MECR: variants seen among roughly 807,000 people sequenced by gnomAD.
MECR encodes mitochondrial trans-2-enoyl-CoA reductase.
MECR carries 37 observed loss-of-function variants against 49.1 expected under a neutral mutation model. That is an observed-to-expected ratio of 0.75 (90% CI 0.58 to 0.99). The LOEUF (loss-of-function observed/expected upper bound fraction) is 0.99, where lower values mean the gene tolerates loss of function less well. Ranked by LOEUF, MECR falls within the 50% of genes least tolerant of loss-of-function variation. MECR has a pLI of 0.00. For synonymous variants in MECR, 198 were observed against 191.1 expected, an observed-to-expected ratio of 1.04 and a Z score of -0.30; for missense variants, 470 against 479.6, an observed-to-expected ratio of 0.98 and a Z score of 0.19.
At chr1:29,175,466 C>T in the MECR span, among the ~76,000 whole-genome samples, 19 of 150,796 alleles carry the variant, frequency 1.3e-4, no homozygotes, top group East Asian at 3.9e-4. Flanking sequence ...GAGGCCGAGG[C>T]GGGTGGATCA....
downstream of MECR, among the ~76,000 whole-genome samples, chr1:29,188,793 C>T (rs575120869): frequency 6.6e-6 from 1 of 152,084 alleles, no homozygotes; most frequent in South Asian, 2.1e-4. Context: ...GCGCCCGCTA[C>T]CATACCCGGC....
At chr1:29,205,277 C>T (rs955265809) in intron 4 of MECR, among the ~76,000 whole-genome samples, 5 of 151,990 alleles carry the variant, frequency 3.3e-5, no homozygotes, top group Admixed American at 6.6e-5. Context: ...TTCCGCCTCC[C>T]GGGTTCAAGC....
At position 29,201,882 on chromosome 1, in the gene MECR, G is replaced by C. The variant is rs1574302082; in HGVS notation, c.756+61C>G. On this transcript the variant is annotated intron_variant, in intron 6 of 9. Coordinates refer to ENST00000263702, the MANE Select transcript of MECR (RefSeq NM_016011.5). This position sits in a 1 kb window ranked among gnomAD's most constrained non-coding sequence, Gnocchi z 4.3. ...CCAGTCCCCAGTTTCTCTAATGCAT[G>C]TCAACTTTCTTCAGGGAGATGTGCG... The C allele has an allele frequency of 5.8e-6, 8 of 1,376,884 alleles. No individual in the cohort carries two copies. In the East Asian group the frequency reaches 1.8e-4, roughly 31 times the overall value. The allele number at this position is 1,376,884 out of a possible 1,614,324, so 85.3% of individuals were successfully genotyped here.
chr1:29,203,041 C>G, intron 5 of MECR, 90 bp downstream of exon 5: 1 of 1,028,570 alleles, frequency 9.7e-7, no homozygotes. Flanking sequence ...TATGCAAGGG[C>G]GCCCTCTGGT....
chr1:29,178,133 C>T, the MECR span, among the ~76,000 whole-genome samples: 4 of 151,914 alleles, frequency 2.6e-5, no homozygotes, highest in South Asian at 8.3e-4. Flanking sequence ...CCCCTGACTT[C>T]AAGTGATCCA....
At chr1:29,220,087 A>C (rs1011386844) in intron 1 of MECR, among the ~76,000 whole-genome samples, 15 of 152,094 alleles carry the variant, frequency 9.9e-5, no homozygotes, top group African/African-American at 3.6e-4. Context: ...TAGTGAGAAA[A>C]TGTGGCATAA....
the MECR span, among the ~76,000 whole-genome samples, chr1:29,168,029 T>TA: frequency 0.26 from 36,703 of 140,740 alleles, 5,108 homozygotes; most frequent in Non-Finnish European, 0.3. Context: ...TTTTTTTTTT[T>TA]AAAAAAAACA....
intron 4 of MECR, among the ~76,000 whole-genome samples, chr1:29,204,456 C>T (rs1178281301): frequency 6.7e-6 from 1 of 148,394 alleles, no homozygotes; most frequent in Non-Finnish European, 1.5e-5. Context: ...TTGCAAGCAC[C>T]TTTTTTTTTT....
chr1:29,215,988 C>CA lies in MECR; in HGVS notation c.406+16dup, dbSNP rs1213233612. The CA allele has an allele frequency of 6.2e-7, 1 of 1,613,398 alleles. No homozygotes were observed. Among genetic ancestry groups the CA allele is most frequent in the Non-Finnish European group, 8.5e-7 (1 of 1,179,592 alleles). ...TCTGGAAGAACGAATAGGCAGCTGA[C>CA]ACCTGGAGAAACTCACCTAAACCAG... On this transcript the variant is annotated intron_variant, in intron 3 of 9. Coordinates refer to ENST00000263702, the MANE Select transcript of MECR (RefSeq NM_016011.5).
the MECR span, among the ~76,000 whole-genome samples, chr1:29,173,754 AAGTT>A: frequency 6.6e-6 from 1 of 151,642 alleles, no homozygotes; most frequent in African/African-American, 2.4e-5. Flanking sequence ...CTGGTCCAAA[AAGTT>A]CTTGAATTTG....
chr1:29,226,067 G>A (rs1681963548), intron 1 of MECR, among the ~76,000 whole-genome samples: 1 of 151,312 alleles, frequency 6.6e-6, no homozygotes. Context: ...TACTCAGGAG[G>A]CTGAGGCAGG....
At position 29,196,256 on chromosome 1, in the gene MECR, C is replaced by G. The variant is rs762165267; in HGVS notation, c.833G>C (p.Arg278Pro). ...SSTELLRQLA[R>P]GGTMVTYGGM... Reference sequence around the variant, plus strand: ...CCCATAGGTTACCATGGTTCCTCCACGCCTGAAAAGTCCAAAGAGAACAAA... The same window carrying G: ...CCCATAGGTTACCATGGTTCCTCCAGGCCTGAAAAGTCCAAAGAGAACAAA... Residue 278 changes from arginine to proline, a missense_variant and splice_region_variant, in exon 8 of 10, where the codon CGT becomes CCT. Arg to Pro is a moderately radical substitution (Grantham distance 103). Transcript: ENST00000263702. 14 of 1,611,486 alleles carry G rather than the reference C, an allele frequency of 8.7e-6. No homozygotes were observed. Among genetic ancestry groups the G allele is most frequent in the Non-Finnish European group, 1.2e-5 (14 of 1,178,158 alleles).
chr1:29,173,862 T>A, the MECR span, among the ~76,000 whole-genome samples: 1 of 151,780 alleles, frequency 6.6e-6, no homozygotes, highest in Non-Finnish European at 1.5e-5. Context: ...AAAATTAGTT[T>A]AAAAAATTAT....
chr1:29,211,807 C>T (rs1678085728), intron 3 of MECR, among the ~76,000 whole-genome samples: 1 of 152,216 alleles, frequency 6.6e-6, no homozygotes, highest in African/African-American at 2.4e-5. Flanking sequence ...AAAGATCTAT[C>T]CACACCATCT....
chr1:29,180,161 A>C, the MECR span, among the ~76,000 whole-genome samples: 1 of 152,220 alleles, frequency 6.6e-6, no homozygotes. Context: ...TAAGTGGTGG[A>C]ACCAGGATTT....
chr1:29,191,207 TGCCTGCTCTTAGAGTGGGCACCAGGG>T (rs2151835290), downstream of MECR, among the ~76,000 whole-genome samples: 3 of 152,324 alleles, frequency 2.0e-5, no homozygotes, highest in African/African-American at 7.2e-5. Flanking sequence ...CATTCCTGTA[TGCCTGCTCTTAGAGTGGGCACCAGGG>T]GCCTGCTCCT....
At chr1:29,181,788 G>GC in the MECR span, 36 of 1,526,102 alleles carry the variant, frequency 2.4e-5, no homozygotes, top group East Asian at 7.0e-4. Flanking sequence ...CCCGGCCCCA[G>GC]CCCCCCTTAG....
chr1:29,182,693 G>A, the MECR span, among the ~76,000 whole-genome samples: 1 of 152,062 alleles, frequency 6.6e-6, no homozygotes, highest in Non-Finnish European at 1.5e-5. Context: ...ACAGGCGCCC[G>A]CCCCCACGCC....
chr1:29,188,224 CTG>C (rs1448120639), downstream of MECR, among the ~76,000 whole-genome samples: 1 of 151,392 alleles, frequency 6.6e-6, no homozygotes, highest in Non-Finnish European at 1.5e-5. Flanking sequence ...GAGTCTCACT[CTG>C]TTGCCCAGGC....
Sources: gnomAD v4.1 joint callset for allele counts (sites outside exome capture counted in the v4.1 genomes callset) on GRCh38, gnomAD v4.1.1 for gene constraint, Gnocchi (gnomAD v3.1) non-coding constraint, MANE v1.5 for transcripts, NCBI Gene and HGNC (gene_info 2026-07-23, HGNC 2026-07-21) for gene names.